The following ROR2 variants were observed in gnomAD, a reference collection of about 807,000 sequenced individuals.
ROR2 encodes the protein ROR family WNT receptor 2.
In ROR2, 33 loss-of-function variants were observed where a neutral mutation model predicts 74.9. The ratio of observed to expected loss-of-function variants is 0.44; its 90% CI spans 0.33 to 0.59. The LOEUF (loss-of-function observed/expected upper bound fraction) is 0.59, where lower values mean the gene tolerates loss of function less well. Among genes scored for constraint, ROR2 ranks in the 20% least tolerant of loss-of-function variants. The pLI is 0.02. For missense variants in ROR2, 1,216 were observed against 1,313.8 expected (o/e 0.93, Z 1.15); for synonymous variants, 586 against 558.7 (o/e 1.05, Z -0.69).
chr9:91,735,357 AC>A (rs1824983365), intron 5 of ROR2, among the ~76,000 whole-genome samples: 1 of 152,186 alleles, frequency 6.6e-6, no homozygotes. Context: ...TCAAAAAGCC[AC>A]CCACCTAGAA....
chr9:91,839,251 G>GGGGGGT (rs1491103564), intron 1 of ROR2, among the ~76,000 whole-genome samples: 1 of 107,714 alleles, frequency 9.3e-6, no homozygotes, highest in Non-Finnish European at 2.0e-5. Flanking sequence ...TCAGATCGGG[G>GGGGGGT]GTGTGTGTGT....
At chr9:91,944,941 A>G (rs562195072) in intron 1 of ROR2, among the ~76,000 whole-genome samples, 1 of 152,284 alleles carries the variant, frequency 6.6e-6, no homozygotes, top group East Asian at 1.9e-4. Flanking sequence ...CTGTGGTTCC[A>G]GCTACTTCAG....
Position 91,848,909 on chromosome 9 carries a change from A to T in ROR2, c.98-73091T>A, listed in dbSNP as rs182661815. Reference sequence around the variant, plus strand: ...GGGAGATACACATTCTAGTGTTTGGAGATTTTTAAAGCAATTACAATTCCT... The same window carrying T: ...GGGAGATACACATTCTAGTGTTTGGTGATTTTTAAAGCAATTACAATTCCT... On this transcript the variant is annotated intron_variant, in intron 1 of 8. Transcript: ENST00000375708. 2.6e-5 allele frequency among the ~76,000 whole-genome samples: 4 copies of T among 152,252 alleles called. No individual in the cohort carries two copies. The East Asian group carries it at 7.7e-4, about 29-fold the overall frequency.
At chr9:91,885,309 G>A (rs1307816778) in intron 1 of ROR2, among the ~76,000 whole-genome samples, 1 of 151,864 alleles carries the variant, frequency 6.6e-6, no homozygotes, top group African/African-American at 2.4e-5. Flanking sequence ...AGCTTTGGGG[G>A]TTGGGGGGCG....
At chr9:91,838,715 A>G (rs1828688229) in intron 1 of ROR2, among the ~76,000 whole-genome samples, 1 of 152,158 alleles carries the variant, frequency 6.6e-6, no homozygotes, top group South Asian at 2.1e-4. Context: ...GCAGTCGGAA[A>G]ATAGGATCTC....
intron 2 of ROR2, among the ~76,000 whole-genome samples, chr9:91,773,421 C>T (rs552295860): frequency 2.6e-5 from 4 of 152,258 alleles, no homozygotes; most frequent in African/African-American, 7.2e-5. Context: ...CGACACCAGA[C>T]GCCCTCAACA....
intron 2 of ROR2, among the ~76,000 whole-genome samples, chr9:91,764,586 A>ACACACACACACACACACC: frequency 6.7e-6 from 1 of 150,342 alleles, no homozygotes; most frequent in Non-Finnish European, 1.5e-5. Context: ...ACACACACAC[A>ACACACACACACACACACC]CCACACACAT....
chr9:91,763,525 G>A (rs1825975222), intron 2 of ROR2, among the ~76,000 whole-genome samples: 1 of 152,136 alleles, frequency 6.6e-6, no homozygotes, highest in Non-Finnish European at 1.5e-5. Context: ...TAGGTGCTGC[G>A]CTACAGTTTT....
chr9:91,870,282 A>AAG (rs1829757370), intron 1 of ROR2, among the ~76,000 whole-genome samples: 1 of 152,224 alleles, frequency 6.6e-6, no homozygotes, highest in African/African-American at 2.4e-5. Flanking sequence ...ACTGATCCCA[A>AAG]CTGTCCAAAG....
At chr9:91,807,492 C>T (rs1827606171) in intron 1 of ROR2, among the ~76,000 whole-genome samples, 1 of 152,174 alleles carries the variant, frequency 6.6e-6, no homozygotes, top group African/African-American at 2.4e-5. Context: ...TGAGACACTC[C>T]AGCAAATTAA....
At chr9:91,914,602 A>G (rs1409463991) in intron 1 of ROR2, among the ~76,000 whole-genome samples, 3 of 152,130 alleles carry the variant, frequency 2.0e-5, no homozygotes, top group African/African-American at 4.8e-5. Flanking sequence ...GCTACTGACT[A>G]AACAGTACGG....
At chr9:91,756,017 A>G (rs988069720) in intron 4 of ROR2, 54 bp downstream of exon 4, 12 of 1,587,454 alleles carry the variant, frequency 7.6e-6, no homozygotes, top group Middle Eastern at 1.7e-4. Context: ...GGATTCCTAC[A>G]TAACAAAAAC....
chr9:91,852,959 C>T (rs1829154368), intron 1 of ROR2, among the ~76,000 whole-genome samples: 1 of 152,248 alleles, frequency 6.6e-6, no homozygotes, highest in Admixed American at 6.5e-5. Context: ...CTTGCTCCCT[C>T]TTCAGCGCAT....
chr9:91,802,840 A>C (rs1026302835), intron 1 of ROR2, among the ~76,000 whole-genome samples: 3 of 152,208 alleles, frequency 2.0e-5, no homozygotes, highest in Admixed American at 2.0e-4. Context: ...AAAGGCATTC[A>C]GGGGCCACAC....
chr9:91,800,063 C>A (rs1229628227), intron 1 of ROR2, among the ~76,000 whole-genome samples: 1 of 152,138 alleles, frequency 6.6e-6, no homozygotes, highest in Non-Finnish European at 1.5e-5. Flanking sequence ...CATCACTGGC[C>A]CGGTGCAGTG....
At position 91,730,210 on chromosome 9, in the gene ROR2, T is replaced by C. The variant is rs182286208; in HGVS notation, c.1183+700A>G. Among the ~76,000 whole-genome samples the C allele has an allele frequency of 2.7e-4, 41 of 152,294 alleles. No individual in the cohort carries two copies. The East Asian group carries it at 7.2e-3, about 27-fold the overall frequency. On this transcript the variant is annotated intron_variant, in intron 7 of 8. Transcript: ENST00000375708. ...CACCCGTCTTGGCCTCCCAAAGTACTGGGATTACAGGTTGTGAGCCACCGC... is the reference window on the plus strand; with the variant it reads ...CACCCGTCTTGGCCTCCCAAAGTACCGGGATTACAGGTTGTGAGCCACCGC...
intron 1 of ROR2, among the ~76,000 whole-genome samples, chr9:91,890,439 T>C (rs1453620284): frequency 1.3e-5 from 2 of 152,186 alleles, no homozygotes; most frequent in Non-Finnish European, 2.9e-5. Flanking sequence ...CAAACATAAG[T>C]AAGTGTTATG....
At chr9:91,769,576 T>C (rs368030110) in intron 2 of ROR2, among the ~76,000 whole-genome samples, 1 of 152,204 alleles carries the variant, frequency 6.6e-6, no homozygotes, top group African/African-American at 2.4e-5. Context: ...CTGGGTGTCA[T>C]AGCCTTGCTG....
chr9:91,830,237 G>A (rs577149171), intron 1 of ROR2, among the ~76,000 whole-genome samples: 6 of 152,342 alleles, frequency 3.9e-5, no homozygotes, highest in African/African-American at 1.4e-4. Context: ...GTGCAAGGCA[G>A]GTGGATCGCC....
Sources: allele counts gnomAD v4.1 joint callset (sites outside exome capture counted in the v4.1 genomes callset), GRCh38; gene constraint gnomAD v4.1.1; transcripts MANE v1.5; gene names NCBI Gene and HGNC (gene_info 2026-07-23, HGNC 2026-07-21).